Variants in GRB14 observed in about 807,000 individuals in gnomAD.
GRB14 encodes the protein growth factor receptor bound protein 14.
In GRB14, 38 loss-of-function variants were observed where a neutral mutation model predicts 69.1. The observed-to-expected ratio is 0.55, with a 90% confidence interval of 0.42 to 0.72. The LOEUF (loss-of-function observed/expected upper bound fraction) is 0.72. GRB14 is among the 30% of genes least tolerant of loss of function. The probability of loss-of-function intolerance (pLI) is 0.00; values close to 1 mark genes in which losing one functional copy is unlikely to be tolerated. For synonymous variants in GRB14, 247 were observed against 241.3 expected, an observed-to-expected ratio of 1.02 and a Z score of -0.22; for missense variants, 666 against 666.1, an observed-to-expected ratio of 1.00 and a Z score of 0.00.
In GRB14 at chr2:164,573,813, A is replaced by G. The variant is rs915294219; in HGVS notation, c.325-25997T>C. On this transcript the variant is annotated intron_variant, in intron 2 of 13. Transcript: ENST00000263915. ...ATCAGCATTAACATGTTGGCAGATA[A>G]ATTGAACATGACTCCAGAAGAAGCT... 7 of 1,612,798 alleles carry G rather than the reference A, an allele frequency of 4.3e-6. No individual in the cohort carries two copies. In the African/African-American group the frequency reaches 9.3e-5, roughly 22 times the overall value.
At chr2:164,572,522 C>T (rs556923288) in intron 2 of GRB14, among the ~76,000 whole-genome samples, 1 of 152,288 alleles carries the variant, frequency 6.6e-6, no homozygotes, top group East Asian at 1.9e-4. Flanking sequence ...ATCAATTGCC[C>T]ATTAAGTGTT....
intron 2 of GRB14, among the ~76,000 whole-genome samples, chr2:164,604,237 A>G (rs566634237): frequency 6.6e-6 from 1 of 152,350 alleles, no homozygotes; most frequent in South Asian, 2.1e-4. Flanking sequence ...TACATACAAT[A>G]GAGAAACCCT....
chr2:164,579,032 T>TA lies in GRB14; in HGVS notation c.325-31217_325-31216insT, dbSNP rs577699812. On this transcript the variant is annotated intron_variant, in intron 2 of 13. Coordinates refer to ENST00000263915, the MANE Select transcript of GRB14 (RefSeq NM_004490.3). The stretch of plus-strand genomic sequence containing the variant: ...GAACTGTTAAAACACAGTGTCCAAT[T>TA]TAAAAAAAAACAAATTATACAATAT... 2.4e-3 allele frequency among the ~76,000 whole-genome samples: 370 copies of TA among 152,016 alleles called. 2 individuals are homozygous for TA. Among genetic ancestry groups the TA allele is most frequent in the African/African-American group, 8.5e-3 (352 of 41,382 alleles).
chr2:164,504,250 G>A (rs1172681251), intron 8 of GRB14, among the ~76,000 whole-genome samples: 2 of 151,498 alleles, frequency 1.3e-5, no homozygotes, highest in Non-Finnish European at 2.9e-5. Flanking sequence ...TCTAACAAGT[G>A]GTGTGTGATG....
chr2:164,527,038 T>C lies in GRB14; in HGVS notation c.579A>G (p.Lys193=). The C allele has an allele frequency of 1.3e-6, 2 of 1,599,924 alleles. No individual in the cohort carries two copies. Among genetic ancestry groups the C allele is most frequent in the South Asian group, 1.1e-5 (1 of 90,330 alleles). ...CCATTGGGTTTTTAAAGAACTCATA[T>C]TTGGCATAATTTTTTCTAAAGTATA... is the stretch of plus-strand genomic sequence containing the variant. ...NKLYFRKNYA[K]YEFFKNPMYF... Residue 193 remains lysine, a synonymous_variant, in exon 4 of 14, where the codon AAA becomes AAG. Transcript: ENST00000263915.
chr2:164,566,536 A>G (rs1688979532), intron 2 of GRB14, among the ~76,000 whole-genome samples: 1 of 152,142 alleles, frequency 6.6e-6, no homozygotes, highest in African/African-American at 2.4e-5. Context: ...CAATGAGGTG[A>G]CCATTGGCAG....
intron 2 of GRB14, among the ~76,000 whole-genome samples, chr2:164,588,312 C>G (rs1486922708): frequency 6.6e-6 from 1 of 152,154 alleles, no homozygotes; most frequent in Non-Finnish European, 1.5e-5. Flanking sequence ...ATCTTAACAG[C>G]AGCAGCCTTA....
chr2:164,496,910 C>T, intron 12 of GRB14, 98 bp downstream of exon 12: 1 of 921,978 alleles, frequency 1.1e-6, no homozygotes. Context: ...TTATGATAAG[C>T]CCAAATCAAG....
chr2:164,574,066 T>C lies in GRB14; in HGVS notation c.325-26250A>G. On this transcript the variant is annotated intron_variant, in intron 2 of 13. Transcript: ENST00000263915. ...AATATGTAGCCTAGATCTTCAGAGG[T>C]AAATTCAGAAACTCTGGTTTTACCA... 3.8e-6 allele frequency: 4 copies of C among 1,050,268 alleles called. 1 individual carries two copies. The South Asian group carries it at 4.0e-5, about 10-fold the overall frequency. 65.1% of individuals were successfully genotyped at this position (1,050,268 alleles called of 1,614,324 possible).
At chr2:164,549,688 C>T (rs1688478887) in intron 2 of GRB14, among the ~76,000 whole-genome samples, 1 of 151,766 alleles carries the variant, frequency 6.6e-6, no homozygotes, top group Admixed American at 6.6e-5. Flanking sequence ...CATGGCAAAA[C>T]CCCATCTCCA....
intron 2 of GRB14, among the ~76,000 whole-genome samples, chr2:164,593,337 AAATG>A (rs1348590219): frequency 6.6e-6 from 1 of 152,210 alleles, no homozygotes; most frequent in Non-Finnish European, 1.5e-5. Flanking sequence ...TCAAGTAAAT[AAATG>A]AATGAATATG....
chr2:164,612,021 G>A (rs1405153939), intron 2 of GRB14, among the ~76,000 whole-genome samples: 2 of 152,076 alleles, frequency 1.3e-5, no homozygotes, highest in African/African-American at 4.8e-5. Context: ...GTACAGAAAG[G>A]GTGAGCAATG....
intron 6 of GRB14, among the ~76,000 whole-genome samples, chr2:164,509,503 T>G (rs1254602254): frequency 1.3e-5 from 2 of 152,158 alleles, no homozygotes; most frequent in Non-Finnish European, 1.5e-5. Context: ...ATCCATGAGA[T>G]TTAAAACTGG....
chr2:164,504,117 A>G (rs1459457054), intron 8 of GRB14, among the ~76,000 whole-genome samples: 1 of 152,094 alleles, frequency 6.6e-6, no homozygotes, highest in Non-Finnish European at 1.5e-5. Context: ...TCTATATGTA[A>G]TTAGAATTTA....
chr2:164,562,038 T>G (rs1311666453), intron 2 of GRB14, among the ~76,000 whole-genome samples: 1 of 152,164 alleles, frequency 6.6e-6, no homozygotes, highest in Admixed American at 6.5e-5. Flanking sequence ...AAGAGCTCAA[T>G]CTTGCCTTTA....
At chr2:164,519,206 G>A (rs1687571300) in intron 6 of GRB14, among the ~76,000 whole-genome samples, 1 of 152,086 alleles carries the variant, frequency 6.6e-6, no homozygotes, top group African/African-American at 2.4e-5. Context: ...GAGATGGAGG[G>A]ATAATTTAAC....
At chr2:164,556,567 A>G (rs1429142098) in intron 2 of GRB14, among the ~76,000 whole-genome samples, 2 of 152,104 alleles carry the variant, frequency 1.3e-5, no homozygotes, top group Non-Finnish European at 2.9e-5. Flanking sequence ...TGTTTCTTGA[A>G]AAAGTCATGC....
At chr2:164,540,102 C>G (rs1688192889) in intron 3 of GRB14, among the ~76,000 whole-genome samples, 1 of 152,188 alleles carries the variant, frequency 6.6e-6, no homozygotes, top group Non-Finnish European at 1.5e-5. Flanking sequence ...GATGTCCTCT[C>G]CCATTACCTT....
intron 2 of GRB14, among the ~76,000 whole-genome samples, chr2:164,618,311 A>C (rs1690359815): frequency 6.6e-6 from 1 of 151,710 alleles, no homozygotes; most frequent in Admixed American, 6.6e-5. Context: ...ACACAGTCAA[A>C]TCTATTATCC....
Sources: allele counts gnomAD v4.1 joint callset (sites outside exome capture counted in the v4.1 genomes callset), GRCh38; gene constraint gnomAD v4.1.1; transcripts MANE v1.5; gene names NCBI Gene and HGNC (gene_info 2026-07-23, HGNC 2026-07-21).